PABPC1L: variants seen among roughly 807,000 people sequenced by gnomAD.
PABPC1L encodes the protein polyadenylate-binding protein 1-like.
PABPC1L carries 31 observed loss-of-function variants against 66.6 expected under a neutral mutation model. The ratio of observed to expected loss-of-function variants is 0.47; its 90% confidence interval spans 0.35 to 0.63. PABPC1L has a LOEUF of 0.63. Ranked by LOEUF, PABPC1L falls within the 20% of genes least tolerant of loss-of-function variation. The pLI is 0.00. For synonymous variants in PABPC1L, 348 were observed against 335.1 expected (o/e 1.04, Z -0.42); for missense variants, 722 against 848.8 (o/e 0.85, Z 1.86).
Position 44,932,348 on chromosome 20 carries a change from G to T in PABPC1L, c.1246G>T (p.Ala416Ser), listed in dbSNP as rs755999675. 1 of 1,612,254 alleles carries T rather than the reference G, an allele frequency of 6.2e-7. No homozygotes were observed. The highest frequency in any genetic ancestry group is 8.5e-7 in the Non-Finnish European group (1 of 1,178,816). ...GTCTTCTTTTCCCATGCAGCCTCCA[G>T]CCCAGGCTGCATACTATGGCTGTGG... ...YFLPAMPQPPAQAAYYGCGPV... is the reference protein window; with the variant it reads ...YFLPAMPQPPSQAAYYGCGPV... The change falls in exon 9 of 15, where the codon GCC (alanine) becomes TCC (serine). Residue 416 changes from alanine (A) to serine (S), a missense_variant. This residue lies in a region of PABPC1L where 301 missense variants were observed against 337.2 expected (regional missense o/e 0.89). Coordinates refer to ENST00000217073, the MANE Select transcript of PABPC1L (RefSeq NM_001372179.1).
Position 44,935,374 on chromosome 20 carries a change from T to C in PABPC1L, c.1460-17T>C. 2.5e-6 allele frequency: 4 copies of C among 1,603,710 alleles called. No homozygotes were observed. Among genetic ancestry groups the C allele is most frequent in the Non-Finnish European group, 3.4e-6 (4 of 1,170,814 alleles). ...TTGAACTCTGCTTTTTTTGTTTTGT[T>C]TTGTTTTGTTTTGCAGCCAACATTG... On this transcript the variant is annotated splice_polypyrimidine_tract_variant and intron_variant, in intron 10 of 14. Coordinates refer to ENST00000217073, the MANE Select transcript of PABPC1L (RefSeq NM_001372179.1).
At chr20:44,939,048 G>A (rs896176120) in intron 14 of PABPC1L, 78 bp from the exon 15 acceptor site, 2 of 715,420 alleles carry the variant, frequency 2.8e-6, no homozygotes, top group African/African-American at 1.7e-5. Context: ...GCCTGGCCAG[G>A]ATGTAACCAC....
chr20:44,924,935 TG>T (rs1211309390), intron 7 of PABPC1L, among the ~76,000 whole-genome samples: 2 of 144,762 alleles, frequency 1.4e-5, no homozygotes, highest in Admixed American at 6.7e-5. Flanking sequence ...TCCCAGAGGC[TG>T]GGCAATATGG....
At chr20:44,918,550 G>T (rs537028412) in intron 3 of PABPC1L, among the ~76,000 whole-genome samples, 19 of 152,256 alleles carry the variant, frequency 1.2e-4, no homozygotes, top group South Asian at 8.3e-4. Flanking sequence ...CTTGCCCAGG[G>T]TCACACAGCT....
chr20:44,919,073 G>GA (rs2066756184), intron 4 of PABPC1L, 28 bp downstream of exon 4: 2 of 1,610,814 alleles, frequency 1.2e-6, no homozygotes, highest in Non-Finnish European at 1.7e-6. Flanking sequence ...GGAGCGGGGG[G>GA]ATCACTGTTT....
chr20:44,934,884 A>G (rs955343997), intron 10 of PABPC1L, among the ~76,000 whole-genome samples: 7 of 152,180 alleles, frequency 4.6e-5, no homozygotes, highest in South Asian at 2.1e-4. Flanking sequence ...CCTGACCAAC[A>G]TGGTGAAACC....
At chr20:44,916,721 C>T in intron 2 of PABPC1L, 35 bp from the exon 3 acceptor site, 1 of 1,596,540 alleles carries the variant, frequency 6.3e-7, no homozygotes. Flanking sequence ...AACCCTCTGT[C>T]AGTACTCTTC....
rs759561278 is a variant in PABPC1L, at chr20:44,916,819, G to A, written c.451G>A (p.Ala151Thr). Residue 151 changes from alanine to threonine, a missense_variant, in exon 3 of 15, where the codon GCA becomes ACA. By Grantham distance (58) the Ala-to-Thr change is moderately conservative (BLOSUM62 0). Around this residue, in one of 3 missense-constraint regions of PABPC1L, gnomAD observed 284 missense variants for 294.8 expected, o/e 0.96. Coordinates refer to ENST00000217073, the MANE Select transcript of PABPC1L (RefSeq NM_001372179.1). The part of the protein sequence containing the change: ...GFVHFETHEA[A>T]QQAINTMNGM... ...TGTCCATTTTGAGACCCATGAGGCCGCACAGCAGGCCATCAACACCATGAA... is the reference window on the plus strand; with the variant it reads ...TGTCCATTTTGAGACCCATGAGGCCACACAGCAGGCCATCAACACCATGAA... 6 of 1,614,034 alleles carry A rather than the reference G, an allele frequency of 3.7e-6. No homozygotes were observed. The highest frequency in any genetic ancestry group is 1.3e-5 in the African/African-American group (1 of 74,934).
At chr20:44,939,080 G>A (rs1234571437) in intron 14 of PABPC1L, 46 bp from the exon 15 acceptor site, 1 of 717,378 alleles carries the variant, frequency 1.4e-6, no homozygotes, top group South Asian at 1.5e-5. Flanking sequence ...AAGACTGGGT[G>A]TCTGCCATAC....
chr20:44,933,137 C>A lies in PABPC1L; in HGVS notation c.1411C>A (p.Gln471Lys). ...RPPAHISSVR[Q>K]ASTQVPRTVP... ...CCCGGCCCACATCAGCAGTGTCAGG[C>A]AGGCCTCCACCCAGGTGCCACGCAC... is the stretch of plus-strand genomic sequence containing the variant. Residue 471 changes from glutamine (Q) to lysine (K), a missense_variant, in exon 10 of 15, where the codon CAG becomes AAG. By Grantham distance (53) the Gln-to-Lys change is moderately conservative (BLOSUM62 1). Around this residue, in one of 3 missense-constraint regions of PABPC1L, gnomAD observed 301 missense variants for 337.2 expected, o/e 0.89. Transcript: ENST00000217073. 6.2e-7 allele frequency: 1 copy of A among 1,610,074 alleles called. No homozygotes were observed. The highest frequency in any genetic ancestry group is 1.7e-5 in the Admixed American group (1 of 59,288).
intron 5 of PABPC1L, among the ~76,000 whole-genome samples, chr20:44,920,501 C>T (rs1005669446): frequency 2.0e-5 from 3 of 152,088 alleles, no homozygotes; most frequent in African/African-American, 7.2e-5. Flanking sequence ...CAGAGTCTCA[C>T]TCTGTCACCC....
intron 7 of PABPC1L, among the ~76,000 whole-genome samples, chr20:44,926,441 G>A (rs1371022326): frequency 6.6e-6 from 1 of 151,706 alleles, no homozygotes; most frequent in Non-Finnish European, 1.5e-5. Context: ...TGGCCGGGCT[G>A]GTCTCAAACT....
intron 1 of PABPC1L, among the ~76,000 whole-genome samples, chr20:44,911,251 G>A (rs575404516): frequency 1.4e-5 from 2 of 139,976 alleles, no homozygotes; most frequent in Non-Finnish European, 2.9e-5. Flanking sequence ...ATCACTTGAG[G>A]TCAGGAGTTC....
At chr20:44,911,379 G>T (rs1257598721) in intron 1 of PABPC1L, among the ~76,000 whole-genome samples, 1 of 152,174 alleles carries the variant, frequency 6.6e-6, no homozygotes, top group Non-Finnish European at 1.5e-5. Flanking sequence ...CACGAGAATC[G>T]CTTGAATCCG....
intron 10 of PABPC1L, among the ~76,000 whole-genome samples, chr20:44,933,521 C>T (rs574402925): frequency 6.7e-4 from 102 of 152,188 alleles, no homozygotes; most frequent in African/African-American, 2.4e-3. Context: ...TCTCTGCTCA[C>T]TGCAACCTCC....
intron 12 of PABPC1L, chr20:44,937,187 C>T (rs1601128534): frequency 5.7e-6 from 2 of 350,884 alleles, no homozygotes; most frequent in East Asian, 1.5e-4. Context: ...TGATGTTTCC[C>T]ATAGATTCTG....
chr20:44,923,674 C>T (rs116346935), intron 6 of PABPC1L, among the ~76,000 whole-genome samples: 58 of 151,964 alleles, frequency 3.8e-4, no homozygotes, highest in African/African-American at 1.4e-3. Context: ...TATGGGAAAG[C>T]TTAGAGTGGC....
At chr20:44,922,125 C>T (rs905283116) in intron 6 of PABPC1L, among the ~76,000 whole-genome samples, 6 of 152,192 alleles carry the variant, frequency 3.9e-5, no homozygotes, top group African/African-American at 1.4e-4. Context: ...AAATATGTTA[C>T]ATCCAAAAGT....
In PABPC1L at chr20:44,919,265, G is replaced by A. The variant is rs1033767986; in HGVS notation, c.726G>A (p.Glu242=). 1.4e-5 allele frequency: 22 copies of A among 1,614,190 alleles called. No homozygotes were observed. The East Asian group carries it at 4.7e-4, about 34-fold the overall frequency. ...GCTTTGTCAACTTTGAGAAGCATGAGGAAGCCCAGAAGGTAGGAGCCTCCC... is the reference window on the plus strand; with the variant it reads ...GCTTTGTCAACTTTGAGAAGCATGAAGAAGCCCAGAAGGTAGGAGCCTCCC... ...CFGFVNFEKH[E]EAQKAVVHMN... The change falls in exon 5 of 15, where the codon GAG becomes GAA. Residue 242 remains glutamate (E), a synonymous_variant. Transcript: ENST00000217073.
Sources: gnomAD v4.1 joint callset for allele counts (sites outside exome capture counted in the v4.1 genomes callset) on GRCh38, gnomAD v4.1.1 for gene constraint, gnomAD v4.1.1 regional missense constraint, MANE v1.5 for transcripts, NCBI Gene and HGNC (gene_info 2026-07-23, HGNC 2026-07-21) for gene names.